Variants in KCTD15 observed in about 807,000 individuals in gnomAD.
KCTD15 encodes the protein potassium channel tetramerization domain containing 15, also known as BTB/POZ domain-containing protein KCTD15.
In KCTD15, 11 loss-of-function variants were observed where a neutral mutation model predicts 27.2. The ratio of observed to expected loss-of-function variants is 0.41; its 90% confidence interval spans 0.25 to 0.67. The LOEUF (loss-of-function observed/expected upper bound fraction) is 0.67. Among genes scored for constraint, KCTD15 ranks in the 30% least tolerant of loss-of-function variants. The probability of loss-of-function intolerance (pLI) is 0.35; values close to 1 mark genes in which losing one functional copy is unlikely to be tolerated. For synonymous variants in KCTD15, 163 were observed against 176.0 expected (o/e 0.93, Z 0.58); for missense variants, 350 against 409.3 (o/e 0.86, Z 1.25).
chr19:33,800,172 G>C (rs147317093), intron 2 of KCTD15, among the ~76,000 whole-genome samples: 1 of 152,034 alleles, frequency 6.6e-6, no homozygotes, highest in Non-Finnish European at 1.5e-5. Flanking sequence ...ACATGGAGCT[G>C]CCCAGAAAAC....
At chr19:33,812,248 G>A (rs568609473) in intron 6 of KCTD15, 51 of 1,036,432 alleles carry the variant, frequency 4.9e-5, no homozygotes, top group Admixed American at 2.7e-4. Context: ...AGTTGTGGAC[G>A]CCTGCAGAGA....
intron 4 of KCTD15, chr19:33,801,564 G>A: frequency 2.3e-6 from 1 of 440,542 alleles, no homozygotes; most frequent in Admixed American, 4.2e-5. Context: ...GGCGGCATTG[G>A]TAGTGCAAGG....
At chr19:33,805,475 G>A (rs1044845522) in intron 4 of KCTD15, among the ~76,000 whole-genome samples, 1 of 152,178 alleles carries the variant, frequency 6.6e-6, no homozygotes, top group Non-Finnish European at 1.5e-5. Flanking sequence ...AGTGGACAGA[G>A]GAGTGGGCTG....
chr19:33,807,261 C>T (rs993504509), intron 5 of KCTD15, among the ~76,000 whole-genome samples: 5 of 152,220 alleles, frequency 3.3e-5, no homozygotes, highest in East Asian at 1.9e-4. Context: ...AGGATGGGCG[C>T]GTGCCAGCGT....
At chr19:33,810,836 G>A (rs1050287530) in intron 5 of KCTD15, among the ~76,000 whole-genome samples, 6 of 151,956 alleles carry the variant, frequency 3.9e-5, no homozygotes, top group Non-Finnish European at 8.8e-5. Flanking sequence ...TAGGCTGTGA[G>A]CTCCTAGGCC....
At chr19:33,811,688 A>G (rs762191407) in intron 6 of KCTD15, 136 bp downstream of exon 6, 2 of 1,512,840 alleles carry the variant, frequency 1.3e-6, no homozygotes, top group East Asian at 2.3e-5. Context: ...AAAGGCAACA[A>G]TGTGTCGATG....
In KCTD15 at chr19:33,814,350, C is replaced by T. The variant is rs1976032469; in HGVS notation, c.*1402C>T. On this transcript the variant is annotated 3_prime_UTR_variant, in exon 7 of 7. Coordinates refer to ENST00000683859, the MANE Select transcript of KCTD15 (RefSeq NM_001129994.2). ...GATTCCTCCCTTGGATCCTTCAGTT[C>T]CCATCGAGGAATAACCCGCAGCAGT... 6.6e-6 allele frequency: 1 copy of T among 152,162 alleles called. No individual in the cohort carries two copies. The highest frequency in any genetic ancestry group is 1.5e-5 in the Non-Finnish European group (1 of 68,052). The allele number at this position is 152,162 out of a possible 1,614,324, so 9.4% of individuals were successfully genotyped here. A position where few individuals can be genotyped will look rare whatever the true frequency, so the allele number is the denominator to read the frequency against.
intron 2 of KCTD15, among the ~76,000 whole-genome samples, chr19:33,798,989 C>G (rs985099459): frequency 2.0e-5 from 3 of 152,178 alleles, no homozygotes; most frequent in African/African-American, 4.8e-5. Context: ...TGACTCCTCC[C>G]CCAGCAGAGC....
intron 4 of KCTD15, among the ~76,000 whole-genome samples, chr19:33,805,385 G>T (rs961382713): frequency 6.6e-6 from 1 of 152,238 alleles, no homozygotes; most frequent in African/African-American, 2.4e-5. Flanking sequence ...TGGGGGCTCT[G>T]ACTCCCTCAG....
chr19:33,810,145 G>T (rs1975844451), intron 5 of KCTD15, among the ~76,000 whole-genome samples: 1 of 152,210 alleles, frequency 6.6e-6, no homozygotes, highest in African/African-American at 2.4e-5. Context: ...TCCCAGTGGG[G>T]TGGGTGTGTG....
intron 4 of KCTD15, among the ~76,000 whole-genome samples, chr19:33,803,011 G>C (rs1975607451): frequency 6.6e-6 from 1 of 152,214 alleles, no homozygotes; most frequent in African/African-American, 2.4e-5. Context: ...GCTTTGTTCT[G>C]CTGTGGGATG....
chr19:33,808,039 C>T (rs1420597952), intron 5 of KCTD15, among the ~76,000 whole-genome samples: 3 of 152,236 alleles, frequency 2.0e-5, no homozygotes, highest in East Asian at 1.9e-4. Context: ...AGGTTAACCC[C>T]CAGGTCTCCG....
Position 33,800,484 on chromosome 19 carries a change from G to A in KCTD15, c.30G>A (p.Gly10=). The part of the protein sequence containing the change: MPHRKERPS[G]SSLHTHGSTG... ...CTCACCGCAAGGAGCGGCCGAGCGG[G>A]TCCTCGCTTCACACACACGGCAGCA... The change falls in exon 3 of 7, where the codon GGG becomes GGA. Residue 10 remains glycine, a synonymous_variant. Coordinates refer to ENST00000683859, the MANE Select transcript of KCTD15 (RefSeq NM_001129994.2). 1.2e-6 allele frequency: 2 copies of A among 1,605,566 alleles called. No homozygotes were observed. Among genetic ancestry groups the A allele is most frequent in the Non-Finnish European group, 1.7e-6 (2 of 1,177,302 alleles).
upstream of KCTD15, chr19:33,796,743 AGGAGGCGAGGGGAG>A (rs1257022946): frequency 1.8e-5 from 2 of 110,698 alleles, no homozygotes; most frequent in Middle Eastern, 5.0e-3. Context: ...CGAAGAGGGG[AGGAGGCGAGGGGAG>A]GGTGGGGAGG....
At chr19:33,807,231 C>A (rs1975741191) in intron 5 of KCTD15, among the ~76,000 whole-genome samples, 1 of 152,254 alleles carries the variant, frequency 6.6e-6, no homozygotes, top group African/African-American at 2.4e-5. Context: ...CGTATCCCAG[C>A]TGAACATTTG....
intron 5 of KCTD15, 43 bp from the exon 6 acceptor site, chr19:33,811,204 C>T (rs1380379278): frequency 7.1e-7 from 1 of 1,411,116 alleles, no homozygotes; most frequent in Non-Finnish European, 9.4e-7. Flanking sequence ...CCCACCACCC[C>T]TACTCCGACA....
At chr19:33,811,576 C>G in intron 6 of KCTD15, 24 bp downstream of exon 6, 2 of 1,570,786 alleles carry the variant, frequency 1.3e-6, no homozygotes, top group Non-Finnish European at 1.7e-6. Flanking sequence ...GCTGCCCCCT[C>G]CCCGCCGCAC....
intron 6 of KCTD15, chr19:33,811,888 G>T (rs1975937855): frequency 6.3e-7 from 1 of 1,592,640 alleles, no homozygotes; most frequent in Admixed American, 1.9e-5. Flanking sequence ...CAGGCAACAG[G>T]CGAGGCAGGA....
intron 6 of KCTD15, chr19:33,811,851 A>C (rs763975978): frequency 6.2e-7 from 1 of 1,602,902 alleles, no homozygotes; most frequent in South Asian, 1.1e-5. Context: ...TGACACCCAG[A>C]GTCTGACTTT....
Sources: gnomAD v4.1 joint callset for allele counts (sites outside exome capture counted in the v4.1 genomes callset) on GRCh38, gnomAD v4.1.1 for gene constraint, MANE v1.5 for transcripts, NCBI Gene and HGNC (gene_info 2026-07-23, HGNC 2026-07-21) for gene names.